The following MGA variants were observed in gnomAD, a reference collection of about 807,000 sequenced individuals.
The protein encoded by MGA is MAX dimerization protein MGA.
In MGA, 40 loss-of-function variants were observed where a neutral mutation model predicts 261.1. The ratio of observed to expected loss-of-function variants is 0.15; its 90% confidence interval spans 0.12 to 0.20. The LOEUF is 0.20. Ranked by LOEUF, MGA falls within the 10% of genes least tolerant of loss-of-function variation. MGA has a pLI of 1.00. For synonymous variants in MGA, 1,302 were observed against 1,290.6 expected, an observed-to-expected ratio of 1.01 and a Z score of -0.19; for missense variants, 3,397 against 3,630.5, an observed-to-expected ratio of 0.94 and a Z score of 1.65.
chr15:41,718,297 GTGTGTATATATA>G, intron 9 of MGA: 1 of 219,272 alleles, frequency 4.6e-6, no homozygotes, highest in East Asian at 6.6e-5. Context: ...GTGTGTGTGT[GTGTGTATATATA>G]TATATATATA....
intron 2 of MGA, among the ~76,000 whole-genome samples, chr15:41,677,310 T>G (rs554867657): frequency 9.4e-4 from 143 of 152,160 alleles, no homozygotes; most frequent in Middle Eastern, 3.4e-3. Flanking sequence ...CCCAGCTAAT[T>G]TTTGTATTTT....
In MGA at chr15:41,708,173, G is replaced by T; in HGVS notation, c.2390G>T (p.Gly797Val). The T allele has an allele frequency of 1.2e-6, 2 of 1,600,668 alleles. No homozygotes were observed. The highest frequency in any genetic ancestry group is 1.7e-6 in the Non-Finnish European group (2 of 1,173,186). ...TTCACTAAGATCAAGGGATGGAGGG[G>T]AAAATTTCATAGTGCTTCTGCATCT... Residue 797 changes from glycine to valine, a missense_variant, in exon 7 of 24, where the codon GGA becomes GTA. Physicochemically the swap from Gly to Val is moderately radical, Grantham distance 109. Around this residue, in one of 9 missense-constraint regions of MGA, gnomAD observed 519 missense variants for 554.1 expected, o/e 0.94. Coordinates refer to ENST00000219905, the MANE Select transcript of MGA (RefSeq NM_001164273.2).
intron 2 of MGA, among the ~76,000 whole-genome samples, chr15:41,673,834 C>T (rs969859793): frequency 8.5e-5 from 13 of 152,226 alleles, no homozygotes; most frequent in East Asian, 1.9e-4. Context: ...TGAGCTACCC[C>T]ATCCCTGGCC....
chr15:41,760,580 C>T (rs954324765), intron 20 of MGA, 51 bp downstream of exon 20: 17 of 1,549,350 alleles, frequency 1.1e-5, no homozygotes, highest in South Asian at 3.4e-5. Flanking sequence ...AGATTCTTAC[C>T]GATGATATGA....
At chr15:41,676,708 C>A (rs1025371797) in intron 2 of MGA, among the ~76,000 whole-genome samples, 1 of 152,122 alleles carries the variant, frequency 6.6e-6, no homozygotes, top group Non-Finnish European at 1.5e-5. Context: ...AAATTTCTTA[C>A]ACACATTTTT....
intron 1 of MGA, among the ~76,000 whole-genome samples, chr15:41,643,215 T>TTAA (rs2056861395): frequency 1.3e-5 from 2 of 149,272 alleles, no homozygotes; most frequent in Admixed American, 6.6e-5. Flanking sequence ...TTTTTTTTTT[T>TTAA]TTTAATTTAT....
At chr15:41,754,631 G>A (rs1479806159) in intron 18 of MGA, 64 bp downstream of exon 18, 2 of 1,465,362 alleles carry the variant, frequency 1.4e-6, no homozygotes, top group African/African-American at 1.4e-5. Context: ...AAAATGAGAT[G>A]TTCTGTTCAG....
At chr15:41,692,407 G>A (rs1197775361) in intron 2 of MGA, among the ~76,000 whole-genome samples, 1 of 152,140 alleles carries the variant, frequency 6.6e-6, no homozygotes, top group Non-Finnish European at 1.5e-5. Flanking sequence ...CCATGCTCGG[G>A]CATTAAAAGT....
intron 9 of MGA, among the ~76,000 whole-genome samples, chr15:41,720,293 T>C (rs1363417768): frequency 1.3e-5 from 2 of 152,114 alleles, no homozygotes; most frequent in African/African-American, 2.4e-5. Flanking sequence ...CCCAGCACTT[T>C]GTGGGGCCAA....
At chr15:41,656,557 G>C (rs1467861139), upstream of MGA, among the ~76,000 whole-genome samples, 1 of 151,308 alleles carries the variant, frequency 6.6e-6, no homozygotes, top group Non-Finnish European at 1.5e-5. Flanking sequence ...ACAGGGTCTT[G>C]CCATGTTGCC....
chr15:41,704,081 G>A (rs746910670), intron 5 of MGA, among the ~76,000 whole-genome samples: 2 of 152,110 alleles, frequency 1.3e-5, no homozygotes, highest in Non-Finnish European at 2.9e-5. Context: ...CTGAAGTGGT[G>A]GGATTATAGG....
chr15:41,749,648 C>G lies in MGA; in HGVS notation c.6041C>G (p.Ala2014Gly), dbSNP rs754761613. The G allele has an allele frequency of 1.2e-6, 2 of 1,613,984 alleles. No homozygotes were observed. The highest frequency in any genetic ancestry group is 1.7e-6 in the Non-Finnish European group (2 of 1,179,894). ...AATGTAATAAAACAAAACTCAGGAG[C>G]TGCTACCTCAGAAGAAACTCTGAAT... Residue 2014 changes from alanine (A) to glycine (G), a missense_variant, in exon 17 of 24, where the codon GCT (alanine) becomes GGT (glycine). Physicochemically the swap from Ala to Gly is moderately conservative, Grantham distance 60 (BLOSUM62 0). Coordinates refer to ENST00000219905, the MANE Select transcript of MGA (RefSeq NM_001164273.2).
intron 1 of MGA, among the ~76,000 whole-genome samples, chr15:41,661,458 T>A (rs1379439506): frequency 6.6e-6 from 1 of 151,820 alleles, no homozygotes; most frequent in East Asian, 1.9e-4. Context: ...AGTGTCTTGC[T>A]GTACAGATTT....
chr15:41,736,722 T>C (rs188712465), intron 13 of MGA, 24 bp downstream of exon 13: 3 of 1,560,262 alleles, frequency 1.9e-6, no homozygotes, highest in East Asian at 4.5e-5. Flanking sequence ...TTAATCTGGG[T>C]ATAGCACCTT....
Position 41,736,414 on chromosome 15 carries a change from G to C in MGA, c.4150G>C (p.Gly1384Arg). ...GTTGGCTTCTCAGCGAAAGAGCCGGGGTGAGAAGAACCCTCCTGTTTATTC... is the reference window on the plus strand; with the variant it reads ...GTTGGCTTCTCAGCGAAAGAGCCGGCGTGAGAAGAACCCTCCTGTTTATTC... The change falls in exon 13 of 24, where the codon GGT becomes CGT. Residue 1384 changes from glycine (G) to arginine (R), a missense_variant. Physicochemically the swap from Gly to Arg is moderately radical, Grantham distance 125. Coordinates refer to ENST00000219905, the MANE Select transcript of MGA (RefSeq NM_001164273.2). The C allele has an allele frequency of 6.2e-7, 1 of 1,613,964 alleles. No individual in the cohort carries two copies. The highest frequency in any genetic ancestry group is 2.2e-5 in the East Asian group (1 of 44,886).
chr15:41,660,434 T>C lies in MGA; in HGVS notation c.-159T>C, dbSNP rs891202388. 1.2e-4 allele frequency: 18 copies of C among 152,554 alleles called. No homozygotes were observed. Among genetic ancestry groups the C allele is most frequent in the African/African-American group, 4.3e-4 (18 of 41,430 alleles). The allele number at this position is 152,554 out of a possible 1,614,324, so 9.5% of individuals were successfully genotyped here. A position where few individuals can be genotyped will look rare whatever the true frequency, so the allele number is the denominator to read the frequency against. ...GGTGCGCGCGCGCAGGCTCTTCAGC[T>C]GGAGCGGACACACGGTGTGCGAACC... On this transcript the variant is annotated 5_prime_UTR_variant, in exon 1 of 24. Transcript: ENST00000219905.
intron 15 of MGA, among the ~76,000 whole-genome samples, chr15:41,743,842 T>C (rs2062261354): frequency 6.6e-6 from 1 of 152,250 alleles, no homozygotes; most frequent in South Asian, 2.1e-4. Flanking sequence ...TTATAAACTT[T>C]TTAGTTAAAA....
At chr15:41,715,733 T>A (rs1327406921) in intron 9 of MGA, among the ~76,000 whole-genome samples, 1 of 152,196 alleles carries the variant, frequency 6.6e-6, no homozygotes, top group Non-Finnish European at 1.5e-5. Flanking sequence ...AGGGTATTCT[T>A]ATTTCTATTT....
rs534790514 is a variant in MGA, at chr15:41,768,149, A to G, written c.*869A>G. ...ACCAGAGACAGTGGCCAAAATAAAA[A>G]ATCATGGGGCTGGAAATTTCCCAAA... is the stretch of plus-strand genomic sequence containing the variant. On this transcript the variant is annotated 3_prime_UTR_variant, in exon 24 of 24. Coordinates refer to ENST00000219905, the MANE Select transcript of MGA (RefSeq NM_001164273.2). 2.0e-5 allele frequency: 3 copies of G among 152,776 alleles called. No homozygotes were observed. In the South Asian group the frequency reaches 6.2e-4, roughly 32 times the overall value. 9.5% of individuals were successfully genotyped at this position (152,776 alleles called of 1,614,324 possible). A position where few individuals can be genotyped will look rare whatever the true frequency, so the allele number is the denominator to read the frequency against.
Sources: gnomAD v4.1 joint callset for allele counts (sites outside exome capture counted in the v4.1 genomes callset) on GRCh38, gnomAD v4.1.1 for gene constraint, gnomAD v4.1.1 regional missense constraint, MANE v1.5 for transcripts, NCBI Gene and HGNC (gene_info 2026-07-23, HGNC 2026-07-21) for gene names.